TNKS: variants seen among roughly 807,000 people sequenced by gnomAD.
TNKS encodes poly [ADP-ribose] polymerase tankyrase-1.
A neutral mutation model predicts 135.8 loss-of-function variants in TNKS; 72 were observed. That is an observed-to-expected ratio of 0.53 (90% CI 0.44 to 0.64). The LOEUF (loss-of-function observed/expected upper bound fraction) is 0.64, where lower values mean the gene tolerates loss of function less well. Ranked by LOEUF, TNKS falls within the 30% of genes least tolerant of loss-of-function variation. The pLI is 0.00. For missense variants in TNKS, 1,769 were observed against 1,674.0 expected (o/e 1.06, Z -0.99); for synonymous variants, 849 against 649.3 (o/e 1.31, Z -4.68).
chr8:9,585,253 A>T (rs1229578503), intron 2 of TNKS, among the ~76,000 whole-genome samples: 1 of 152,160 alleles, frequency 6.6e-6, no homozygotes, highest in Non-Finnish European at 1.5e-5. Context: ...TACAGAGACA[A>T]ATGTTGAAAC....
intron 6 of TNKS, 109 bp from the exon 7 acceptor site, chr8:9,706,078 A>G: frequency 3.2e-6 from 2 of 617,246 alleles, no homozygotes; most frequent in Non-Finnish European, 5.1e-6. Flanking sequence ...ATACTTTTAA[A>G]TATTTTAAAA....
intron 3 of TNKS, among the ~76,000 whole-genome samples, chr8:9,661,927 G>C (rs76220333): frequency 1.3e-5 from 2 of 152,114 alleles, no homozygotes; most frequent in Non-Finnish European, 2.9e-5. Context: ...TGGGCAAAGG[G>C]TATGAACAGA....
chr8:9,742,462 G>A (rs1303772363), intron 17 of TNKS, among the ~76,000 whole-genome samples: 4 of 151,126 alleles, frequency 2.6e-5, no homozygotes, highest in South Asian at 2.1e-4. Context: ...TCTCTGCTCC[G>A]CAAAATAATT....
intron 17 of TNKS, among the ~76,000 whole-genome samples, chr8:9,739,100 C>T (rs1413092132): frequency 6.9e-6 from 1 of 144,370 alleles, no homozygotes; most frequent in Non-Finnish European, 1.5e-5. Flanking sequence ...AAGAAACTAC[C>T]ATCAGAGTGA....
chr8:9,615,612 T>G lies in TNKS; in HGVS notation c.929T>G (p.Ile310Ser), dbSNP rs1477714987. Reference sequence around the variant, plus strand: ...CTGCAGCACGGAGCTGACCCAAACATTCGGAACACTGATGGGAAATCAGCC... The same window carrying G: ...CTGCAGCACGGAGCTGACCCAAACAGTCGGAACACTGATGGGAAATCAGCC... ...VLLQHGADPN[I>S]RNTDGKSALD... Residue 310 changes from isoleucine (I) to serine (S), a missense_variant, in exon 3 of 27, where the codon ATT becomes AGT. Ile to Ser is a moderately radical substitution (Grantham distance 142). Coordinates refer to ENST00000310430, the MANE Select transcript of TNKS (RefSeq NM_003747.3). 1 of 1,613,588 alleles carries G rather than the reference T, an allele frequency of 6.2e-7. No individual in the cohort carries two copies. The highest frequency in any genetic ancestry group is 1.3e-5 in the African/African-American group (1 of 74,906).
rs747680650 is a variant in TNKS at position 9,704,702 on chromosome 8, C to T, written c.1147C>T (p.Arg383Ter). ...LHLAAGYNRV[R>*]IVQLLLQHGA... ...TCTAGCAGCGGGCTACAACAGAGTT[C>T]GAATAGTTCAGCTTCTTCTTCAGCA... The change falls in exon 6 of 27, where the codon CGA becomes TGA. Residue 383 changes from arginine (R) to a stop codon, truncating the protein, a stop_gained. Transcript: ENST00000310430. LOFTEE classifies it high-confidence loss of function. 1 of 1,613,418 alleles carries T rather than the reference C, an allele frequency of 6.2e-7. No individual in the cohort carries two copies. The highest frequency in any genetic ancestry group is 8.5e-7 in the Non-Finnish European group (1 of 1,179,514).
chr8:9,626,975 G>C (rs1800080788), intron 3 of TNKS, among the ~76,000 whole-genome samples: 1 of 152,126 alleles, frequency 6.6e-6, no homozygotes, highest in African/African-American at 2.4e-5. Context: ...TCAGGATGGA[G>C]GCTGGTCATT....
chr8:9,711,079 A>T (rs1804306870), intron 11 of TNKS, among the ~76,000 whole-genome samples: 1 of 152,080 alleles, frequency 6.6e-6, no homozygotes, highest in South Asian at 2.1e-4. Context: ...GAAATTATAG[A>T]TTTTTTCATT....
intron 21 of TNKS, among the ~76,000 whole-genome samples, chr8:9,761,951 C>G (rs1435787987): frequency 2.0e-5 from 3 of 152,328 alleles, no homozygotes; most frequent in South Asian, 2.1e-4. Context: ...TGGTTTATCT[C>G]CAGCCTTTAC....
chr8:9,604,203 A>G (rs1405852075), intron 2 of TNKS, among the ~76,000 whole-genome samples: 4 of 152,088 alleles, frequency 2.6e-5, no homozygotes, highest in Non-Finnish European at 4.4e-5. Context: ...TTCACTGTAC[A>G]TTGAGCTCAT....
intron 6 of TNKS, 124 bp downstream of exon 6, chr8:9,704,881 C>A: frequency 1.7e-6 from 1 of 589,070 alleles, no homozygotes; most frequent in South Asian, 3.6e-5. Flanking sequence ...TAAGAATGTT[C>A]ATAACTCTGG....
At chr8:9,750,185 C>T (rs770437913) in intron 18 of TNKS, among the ~76,000 whole-genome samples, 2 of 152,128 alleles carry the variant, frequency 1.3e-5, no homozygotes, top group Non-Finnish European at 2.9e-5. Context: ...ATATCTGTAC[C>T]TCTAGTTGAT....
intron 2 of TNKS, among the ~76,000 whole-genome samples, chr8:9,585,036 C>G (rs1340070107): frequency 6.6e-6 from 1 of 151,904 alleles, no homozygotes; most frequent in African/African-American, 2.4e-5. Flanking sequence ...ATATCCAGGA[C>G]TGCTAAAGGA....
At position 9,733,272 on chromosome 8, in the gene TNKS, T is replaced by G; in HGVS notation, c.2148-7T>G. 6.4e-7 allele frequency: 1 copy of G among 1,551,486 alleles called. No homozygotes were observed. Among genetic ancestry groups the G allele is most frequent in the Non-Finnish European group, 8.6e-7 (1 of 1,157,266 alleles). ...TTATGACTTTAAAATAACTTTCTTTTGTTTAGTGGCTTGGTGCCCCTTCAT... is the reference window on the plus strand; with the variant it reads ...TTATGACTTTAAAATAACTTTCTTTGGTTTAGTGGCTTGGTGCCCCTTCAT... On this transcript the variant is annotated splice_polypyrimidine_tract_variant and splice_region_variant and intron_variant, in intron 14 of 26. Transcript: ENST00000310430.
chr8:9,679,627 G>T (rs936614797), intron 3 of TNKS: 13 of 257,296 alleles, frequency 5.1e-5, no homozygotes, highest in Non-Finnish European at 8.3e-5. Context: ...ATAGAGAAAA[G>T]GGGGGAGGGG....
At chr8:9,623,740 G>C (rs1470387193) in intron 3 of TNKS, among the ~76,000 whole-genome samples, 2 of 152,140 alleles carry the variant, frequency 1.3e-5, no homozygotes, top group African/African-American at 4.8e-5. Context: ...TGTGGCTCAT[G>C]CCTGTAATCT....
intron 5 of TNKS, among the ~76,000 whole-genome samples, chr8:9,690,531 G>A (rs890725926): frequency 2.0e-5 from 3 of 152,066 alleles, no homozygotes; most frequent in South Asian, 4.1e-4. Context: ...AGACCGAGGC[G>A]GGTGGATCAT....
intron 1 of TNKS, among the ~76,000 whole-genome samples, chr8:9,577,876 C>T (rs919421959): frequency 6.6e-6 from 1 of 152,188 alleles, no homozygotes; most frequent in Non-Finnish European, 1.5e-5. Flanking sequence ...TCCCTTCTGC[C>T]TGTAAAATCA....
At chr8:9,713,168 T>G (rs1804422609) in intron 11 of TNKS, among the ~76,000 whole-genome samples, 1 of 152,178 alleles carries the variant, frequency 6.6e-6, no homozygotes, top group Non-Finnish European at 1.5e-5. Flanking sequence ...GTTCTACAGA[T>G]GTATTACCTA....
Sources: gnomAD v4.1 joint callset for allele counts (sites outside exome capture counted in the v4.1 genomes callset) on GRCh38, gnomAD v4.1.1 for gene constraint, MANE v1.5 for transcripts, NCBI Gene and HGNC (gene_info 2026-07-23, HGNC 2026-07-21) for gene names.